Variants in TYR observed in about 807,000 individuals in gnomAD.
TYR encodes tyrosinase, also known as LB24-AB.
In TYR, 58 loss-of-function variants were observed where a neutral mutation model predicts 51.5. That is an observed-to-expected ratio of 1.13 (90% CI 0.91 to 1.40). The LOEUF is 1.40. Ranked by LOEUF, TYR falls within the 40% of genes most tolerant of loss-of-function variation. The pLI, the probability that TYR is intolerant of heterozygous loss-of-function variation, is 0.00. For missense variants in TYR, 732 were observed against 647.4 expected, an observed-to-expected ratio of 1.13 and a Z score of -1.42; for synonymous variants, 263 against 235.2, an observed-to-expected ratio of 1.12 and a Z score of -1.08.
At position 89,284,970 on chromosome 11, in the gene TYR, T is replaced by C. The variant is rs749227378; in HGVS notation, c.1366+16T>C. 2 of 1,607,254 alleles carry C rather than the reference T, an allele frequency of 1.2e-6. No individual in the cohort carries two copies. The highest frequency in any genetic ancestry group is 2.2e-5 in the South Asian group (2 of 90,924). ...CAAGATTCAGGTAAAGTTTACTTTC[T>C]TTCAGAGGAATTGCTGAATCTAGTG... On this transcript the variant is annotated intron_variant, in intron 4 of 4. Transcript: ENST00000263321.
At chr11:89,272,680 G>A (rs1944603211) in intron 3 of TYR, among the ~76,000 whole-genome samples, 1 of 151,902 alleles carries the variant, frequency 6.6e-6, no homozygotes, top group African/African-American at 2.4e-5. Context: ...GAAAGTCCTA[G>A]ATGGCATCTT....
intron 3 of TYR, among the ~76,000 whole-genome samples, chr11:89,276,202 C>T (rs1944652122): frequency 6.6e-6 from 1 of 151,776 alleles, no homozygotes; most frequent in Non-Finnish European, 1.5e-5. Context: ...GGATTTGTTC[C>T]CTCACAGTGA....
intron 1 of TYR, among the ~76,000 whole-genome samples, chr11:89,188,862 T>C (rs572342179): frequency 2.6e-5 from 4 of 151,920 alleles, no homozygotes; most frequent in Admixed American, 6.6e-5. Flanking sequence ...AGTGAAGTTA[T>C]AGAAGAGAGG....
chr11:89,260,502 T>G (rs1223557994), intron 3 of TYR, among the ~76,000 whole-genome samples: 1 of 151,974 alleles, frequency 6.6e-6, no homozygotes, highest in African/African-American at 2.4e-5. Flanking sequence ...AATTTCCCAA[T>G]AAATGAAAAA....
intron 3 of TYR, among the ~76,000 whole-genome samples, chr11:89,260,076 G>T (rs1404920100): frequency 6.6e-6 from 1 of 151,928 alleles, no homozygotes; most frequent in East Asian, 1.9e-4. Flanking sequence ...TGGTTAAAAA[G>T]AGATTGTATA....
chr11:89,203,045 T>C (rs1364243444), intron 2 of TYR, among the ~76,000 whole-genome samples: 1 of 152,202 alleles, frequency 6.6e-6, no homozygotes, highest in Non-Finnish European at 1.5e-5. Flanking sequence ...AAAGCTTGGC[T>C]ATATTAAAGT....
intron 1 of TYR, among the ~76,000 whole-genome samples, chr11:89,180,503 C>CT (rs1439849664): frequency 6.6e-6 from 1 of 151,754 alleles, no homozygotes; most frequent in East Asian, 1.9e-4. Context: ...TCAAGCAGAA[C>CT]TTTTTCCTTT....
chr11:89,256,347 G>A (rs1411989518), intron 3 of TYR, among the ~76,000 whole-genome samples: 1 of 151,266 alleles, frequency 6.6e-6, no homozygotes, highest in Admixed American at 6.6e-5. Flanking sequence ...ATAATTACTA[G>A]GTTTTTCTTA....
chr11:89,226,434 C>T (rs1266284532), intron 2 of TYR, among the ~76,000 whole-genome samples: 1 of 152,054 alleles, frequency 6.6e-6, no homozygotes, highest in Non-Finnish European at 1.5e-5. Context: ...TGTATATTCA[C>T]AGAAGTTGTC....
At chr11:89,248,944 A>G (rs1944299593) in intron 3 of TYR, among the ~76,000 whole-genome samples, 1 of 152,190 alleles carries the variant, frequency 6.6e-6, no homozygotes, top group Admixed American at 6.5e-5. Flanking sequence ...TTTAAAAATA[A>G]AGAAAAAAGA....
intron 3 of TYR, among the ~76,000 whole-genome samples, chr11:89,247,842 G>C (rs1944285785): frequency 6.6e-6 from 1 of 152,152 alleles, no homozygotes; most frequent in Non-Finnish European, 1.5e-5. Context: ...CAGCATGACT[G>C]TAGGATAGAT....
At position 89,295,208 on chromosome 11, in the gene TYR, C is replaced by T. The variant is rs1944894040; in HGVS notation, c.1432C>T (p.Leu478Phe). The change falls in exon 5 of 5, where the codon CTC becomes TTC. Residue 478 changes from leucine to phenylalanine, a missense_variant. Physicochemically the swap from Leu to Phe is conservative, Grantham distance 22. Transcript: ENST00000263321. ...LEQASRIWSW[L>F]LGAAMVGAVL... ...ACAAGCGAGTCGGATCTGGTCATGG[C>T]TCCTTGGGGCGGCGATGGTAGGGGC... 4 of 1,613,980 alleles carry T rather than the reference C, an allele frequency of 2.5e-6. No individual in the cohort carries two copies. Among genetic ancestry groups the T allele is most frequent in the Non-Finnish European group, 3.4e-6 (4 of 1,179,874 alleles).
At chr11:89,271,214 T>G (rs1565419136) in intron 3 of TYR, among the ~76,000 whole-genome samples, 4 of 151,882 alleles carry the variant, frequency 2.6e-5, no homozygotes, top group Admixed American at 2.6e-4. Context: ...CAGTTAATGC[T>G]AAAAACAATC....
At chr11:89,185,100 G>A (rs139541788) in intron 1 of TYR, among the ~76,000 whole-genome samples, 6 of 152,048 alleles carry the variant, frequency 3.9e-5, no homozygotes, top group Admixed American at 2.0e-4. Flanking sequence ...TATACGTCTC[G>A]CCTACTGTTC....
At chr11:89,240,621 T>C (rs926096467) in intron 3 of TYR, among the ~76,000 whole-genome samples, 2 of 152,164 alleles carry the variant, frequency 1.3e-5, no homozygotes, top group Non-Finnish European at 2.9e-5. Flanking sequence ...CATTTGTTCA[T>C]GGCTTTAAGG....
chr11:89,245,749 G>C (rs545805693), intron 3 of TYR, among the ~76,000 whole-genome samples: 93 of 151,866 alleles, frequency 6.1e-4, no homozygotes, highest in Middle Eastern at 6.8e-3. Flanking sequence ...GGTGAAACTC[G>C]GTCTCTACTA....
intron 2 of TYR, among the ~76,000 whole-genome samples, chr11:89,219,872 T>C (rs530132039): frequency 3.3e-5 from 5 of 152,246 alleles, no homozygotes; most frequent in Admixed American, 2.0e-4. Flanking sequence ...GAGTACTCTG[T>C]GAAAAAGCTG....
At chr11:89,254,494 T>C (rs1165260895) in intron 3 of TYR, among the ~76,000 whole-genome samples, 1 of 151,762 alleles carries the variant, frequency 6.6e-6, no homozygotes, top group Non-Finnish European at 1.5e-5. Context: ...ACCATTTCAA[T>C]GTCGCTGCTT....
chr11:89,206,651 T>C (rs2135265591), intron 2 of TYR, among the ~76,000 whole-genome samples: 1 of 131,948 alleles, frequency 7.6e-6, no homozygotes, highest in East Asian at 2.0e-4. Context: ...TGATAGAACA[T>C]TCCATTCAAT....
Sources: gnomAD v4.1 joint callset for allele counts (sites outside exome capture counted in the v4.1 genomes callset) on GRCh38, gnomAD v4.1.1 for gene constraint, MANE v1.5 for transcripts, NCBI Gene and HGNC (gene_info 2026-07-23, HGNC 2026-07-21) for gene names.